The following STRN3 variants were observed in gnomAD, a reference collection of about 807,000 sequenced individuals.
STRN3 encodes the protein striatin-3.
Under a neutral mutation model 95.6 loss-of-function variants are expected in STRN3, and 29 were observed. The ratio of observed to expected loss-of-function variants is 0.30; its 90% confidence interval spans 0.23 to 0.41. The LOEUF (loss-of-function observed/expected upper bound fraction) is 0.41, where lower values mean the gene tolerates loss of function less well. Ranked by LOEUF, STRN3 falls within the 10% of genes least tolerant of loss-of-function variation. The probability of loss-of-function intolerance (pLI) is 1.00; values close to 1 mark genes in which losing one functional copy is unlikely to be tolerated. For synonymous variants in STRN3, 331 were observed against 357.6 expected, an observed-to-expected ratio of 0.93 and a Z score of 0.84; for missense variants, 890 against 972.1, an observed-to-expected ratio of 0.92 and a Z score of 1.12.
intron 1 of STRN3, among the ~76,000 whole-genome samples, chr14:30,978,411 T>C (rs1881220891): frequency 6.6e-6 from 1 of 152,146 alleles, no homozygotes. Context: ...AACAAAATCT[T>C]ATACCCATTC....
rs530130815 is a variant in STRN3, at chr14:31,007,101, T to A, written c.282+18803A>T. Among the ~76,000 whole-genome samples, 356 of 152,352 alleles carry A rather than the reference T, an allele frequency of 2.3e-3. 2 individuals carry two copies. Among genetic ancestry groups the A allele is most frequent in the Non-Finnish European group, 4.1e-3 (279 of 68,034 alleles). Reference sequence around the variant, plus strand: ...TTAAGTCCCTAACATTTACCTCCTATCCAACTTTTCTCAAGAAACAATTAA... The same window carrying A: ...TTAAGTCCCTAACATTTACCTCCTAACCAACTTTTCTCAAGAAACAATTAA... On this transcript the variant is annotated intron_variant, in intron 1 of 17. Transcript: ENST00000357479.
At chr14:30,929,335 G>GA (rs35798632) in intron 7 of STRN3, 24 bp from the exon 8 acceptor site, 16 of 1,594,930 alleles carry the variant, frequency 1.0e-5, no homozygotes, top group African/African-American at 2.7e-5. Context: ...ATTATTAAAA[G>GA]AAAAAAAATC....
At chr14:30,938,593 T>C (rs924960730) in intron 5 of STRN3, among the ~76,000 whole-genome samples, 2 of 152,132 alleles carry the variant, frequency 1.3e-5, no homozygotes, top group African/African-American at 4.8e-5. Flanking sequence ...AAAAGTCAAA[T>C]GGAACACAAT....
At chr14:31,018,396 A>G (rs893738105) in intron 1 of STRN3, 1 of 367,492 alleles carries the variant, frequency 2.7e-6, no homozygotes. Flanking sequence ...TTGAATGAAC[A>G]ATACCTGTGA....
In STRN3 at chr14:30,981,527, A is replaced by G. The variant is rs539062744; in HGVS notation, c.283-25285T>C. ...TACAAAATAAAAACCATATCACACA[A>G]GAGTTTCAAAACCTAGCTAATTATG... On this transcript the variant is annotated intron_variant, in intron 1 of 17. Transcript: ENST00000357479. 2.0e-3 allele frequency among the ~76,000 whole-genome samples: 308 copies of G among 152,054 alleles called. 1 individual carries two copies. Among genetic ancestry groups the G allele is most frequent in the Non-Finnish European group, 3.6e-3 (244 of 67,984 alleles).
At chr14:30,992,614 G>A (rs781313379) in intron 1 of STRN3, among the ~76,000 whole-genome samples, 16 of 137,560 alleles carry the variant, frequency 1.2e-4, no homozygotes, top group African/African-American at 4.3e-4. Context: ...GGAAGCTAAC[G>A]AAATGTGAAA....
chr14:30,920,500 T>C (rs570484988), intron 8 of STRN3, among the ~76,000 whole-genome samples: 21 of 152,200 alleles, frequency 1.4e-4, no homozygotes, highest in Non-Finnish European at 2.2e-4. Context: ...GCCACTTAAA[T>C]GACTACCACC....
chr14:30,962,462 T>G (rs975876946), intron 1 of STRN3, among the ~76,000 whole-genome samples: 15 of 152,204 alleles, frequency 9.9e-5, no homozygotes, highest in Non-Finnish European at 1.8e-4. Context: ...CACCACTCAC[T>G]GACTCAACCA....
intron 1 of STRN3, among the ~76,000 whole-genome samples, chr14:31,002,647 G>A (rs200443772): frequency 2.3e-3 from 330 of 140,746 alleles, no homozygotes; most frequent in Non-Finnish European, 2.4e-3. Context: ...TCTCAAAAAA[G>A]AAAAAAAAAA....
At chr14:30,946,997 A>AAT in intron 5 of STRN3, 93 bp downstream of exon 5, 7 of 859,162 alleles carry the variant, frequency 8.1e-6, no homozygotes, top group South Asian at 3.0e-5. Context: ...AAAAAAAAAA[A>AAT]GTTCTTAATG....
intron 1 of STRN3, among the ~76,000 whole-genome samples, chr14:31,008,515 T>C (rs1238565375): frequency 2.0e-5 from 3 of 151,708 alleles, no homozygotes; most frequent in African/African-American, 2.4e-5. Flanking sequence ...CTCAAAAAAA[T>C]AAATGAATCT....
At chr14:30,940,262 T>C (rs190127422) in intron 5 of STRN3, among the ~76,000 whole-genome samples, 14 of 152,292 alleles carry the variant, frequency 9.2e-5, no homozygotes, top group African/African-American at 3.1e-4. Flanking sequence ...CCTCTCTTTA[T>C]TAGATATCTT....
At chr14:30,956,854 A>C (rs1017946112) in intron 1 of STRN3, among the ~76,000 whole-genome samples, 1 of 152,218 alleles carries the variant, frequency 6.6e-6, no homozygotes, top group Non-Finnish European at 1.5e-5. Context: ...GCTTTTCTTG[A>C]AATACTAGAA....
At chr14:30,911,703 AAGGTTTG>A (rs1466701690) in intron 12 of STRN3, 67 bp downstream of exon 12, 2 of 1,329,856 alleles carry the variant, frequency 1.5e-6, no homozygotes, top group African/African-American at 3.0e-5. Flanking sequence ...AGAAAATTAC[AAGGTTTG>A]AGGACCGATA....
At chr14:30,924,585 C>A (rs915341634) in intron 8 of STRN3, among the ~76,000 whole-genome samples, 1 of 152,140 alleles carries the variant, frequency 6.6e-6, no homozygotes, top group African/African-American at 2.4e-5. Context: ...AACCACTGCA[C>A]CCAGCCTCAT....
intron 7 of STRN3, among the ~76,000 whole-genome samples, chr14:30,933,272 CTG>C (rs1315816743): frequency 1.3e-5 from 1 of 76,548 alleles, no homozygotes; most frequent in Non-Finnish European, 2.3e-5. Context: ...AAGCGAGACC[CTG>C]TTTCATAAAA....
intron 4 of STRN3, among the ~76,000 whole-genome samples, chr14:30,949,007 A>G (rs61976776): frequency 0.16 from 23,779 of 152,226 alleles, 2,078 homozygotes; most frequent in South Asian, 0.33. Context: ...CAACACTTAC[A>G]GAGTGTTCTC....
intron 1 of STRN3, among the ~76,000 whole-genome samples, chr14:30,961,496 C>T (rs116338400): frequency 3.1e-4 from 47 of 152,286 alleles, no homozygotes; most frequent in South Asian, 1.0e-3. Context: ...TGTAGTGGGA[C>T]GCATTAGACG....
intron 13 of STRN3, among the ~76,000 whole-genome samples, chr14:30,908,490 T>A (rs1896525591): frequency 6.6e-6 from 1 of 152,232 alleles, no homozygotes; most frequent in Non-Finnish European, 1.5e-5. Context: ...CAGAGGTCCC[T>A]TCATTCTTCA....
Sources: allele counts gnomAD v4.1 joint callset (sites outside exome capture counted in the v4.1 genomes callset), GRCh38; gene constraint gnomAD v4.1.1; transcripts MANE v1.5; gene names NCBI Gene and HGNC (gene_info 2026-07-23, HGNC 2026-07-21).